The following ABCA8 variants were observed in gnomAD, a reference collection of about 807,000 sequenced individuals.
The protein encoded by ABCA8 is ATP binding cassette subfamily A member 8, also known as ABC-type organic anion transporter ABCA8.
Under a neutral mutation model 192.3 loss-of-function variants are expected in ABCA8, and 177 were observed. That is an observed-to-expected ratio of 0.92 (90% CI 0.81 to 1.04). The LOEUF (loss-of-function observed/expected upper bound fraction) is 1.04, where lower values mean the gene tolerates loss of function less well. ABCA8 is among the 50% of genes least tolerant of loss of function. ABCA8 has a pLI of 0.00. For synonymous variants in ABCA8, 642 were observed against 690.2 expected (o/e 0.93, Z 1.09); for missense variants, 1,915 against 1,904.8 (o/e 1.01, Z -0.10).
Position 68,921,429 on chromosome 17 carries a change from T to G in ABCA8, c.1565A>C (p.Lys522Thr). 1 of 1,611,658 alleles carries G rather than the reference T, an allele frequency of 6.2e-7. No homozygotes were observed. Among genetic ancestry groups the G allele is most frequent in the Non-Finnish European group, 8.5e-7 (1 of 1,178,412 alleles). Residue 522 changes from lysine (K) to threonine (T), a missense_variant, in exon 13 of 40, where the codon AAG (lysine) becomes ACG (threonine). Coordinates refer to ENST00000586539, the MANE Select transcript of ABCA8 (RefSeq NM_001288985.2). ...TAILGHSGAG[K>T]STLLNILSGL... ...ACTAAGAATGTTTAGCAGTGTTGAC[T>G]TTCCAGCTCCACTGTGACCAAGTAT...
intron 19 of ABCA8, among the ~76,000 whole-genome samples, chr17:68,905,627 C>G (rs1009559312): frequency 1.4e-4 from 22 of 151,754 alleles, no homozygotes; most frequent in Middle Eastern, 3.2e-3. Flanking sequence ...AAAAGAAAAA[C>G]CTGACACCAG....
intron 2 of ABCA8, among the ~76,000 whole-genome samples, chr17:68,946,195 G>C (rs1198032698): frequency 2.0e-5 from 3 of 151,978 alleles, no homozygotes; most frequent in Non-Finnish European, 4.4e-5. Flanking sequence ...AGTCTCCCAA[G>C]TAGCAGGGAC....
intron 21 of ABCA8, among the ~76,000 whole-genome samples, chr17:68,902,274 G>T (rs62087820): frequency 0.17 from 25,861 of 152,126 alleles, 2,505 homozygotes; most frequent in East Asian, 0.29. Context: ...ATTTGTGATT[G>T]CTGAGGAGTT....
chr17:68,884,588 T>C (rs2066415609), intron 27 of ABCA8, 192 bp from the exon 28 acceptor site: 1 of 1,284,902 alleles, frequency 7.8e-7, no homozygotes, highest in African/African-American at 1.5e-5. Context: ...TTTGAAGCAA[T>C]AGGATTTATC....
At chr17:68,944,312 A>C (rs2068318815) in intron 2 of ABCA8, among the ~76,000 whole-genome samples, 1 of 99,812 alleles carries the variant, frequency 1.0e-5, no homozygotes, top group South Asian at 3.4e-4. Flanking sequence ...CCCAGAACTT[A>C]AAGTTATATA....
At chr17:68,872,692 C>T (rs1323579718) in intron 37 of ABCA8, among the ~76,000 whole-genome samples, 1 of 152,020 alleles carries the variant, frequency 6.6e-6, no homozygotes, top group Non-Finnish European at 1.5e-5. Flanking sequence ...TCCAGTGGGA[C>T]AAGATGTGGA....
Position 68,918,071 on chromosome 17 carries a change from T to G in ABCA8, c.2023A>C (p.Met675Leu). The G allele has an allele frequency of 6.2e-7, 1 of 1,614,190 alleles. No individual in the cohort carries two copies. Among genetic ancestry groups the G allele is most frequent in the Non-Finnish European group, 8.5e-7 (1 of 1,180,026 alleles). ...DRVILFSTQF[M>L]DEADILADRK... is the part of the protein sequence containing the mutation. ...CCCGCCAGGATGTCGGCCTCATCCA[T>G]GAACTGGGTACTGAAGAGGATCACG... Residue 675 changes from methionine (M) to leucine (L), a missense_variant, in exon 16 of 40, where the codon ATG (methionine) becomes CTG (leucine). Physicochemically the swap from Met to Leu is conservative, Grantham distance 15. Coordinates refer to ENST00000586539, the MANE Select transcript of ABCA8 (RefSeq NM_001288985.2).
chr17:68,877,739 A>G (rs1267592886), intron 32 of ABCA8, 60 bp from the exon 33 acceptor site: 13 of 1,509,244 alleles, frequency 8.6e-6, no homozygotes, highest in Non-Finnish European at 1.2e-5. Context: ...GAGTATTTCC[A>G]TGACATCATT....
intron 13 of ABCA8, 150 bp downstream of exon 13, chr17:68,921,232 G>A: frequency 3.0e-6 from 1 of 329,652 alleles, no homozygotes; most frequent in East Asian, 5.0e-5. Context: ...GATAGCATTA[G>A]GAGATATATC....
chr17:68,895,133 T>G, intron 21 of ABCA8, 120 bp from the exon 22 acceptor site: 1 of 695,516 alleles, frequency 1.4e-6, no homozygotes. Flanking sequence ...CAGGATATTT[T>G]CTACATAACA....
At position 68,924,757 on chromosome 17, in the gene ABCA8, T is replaced by G; in HGVS notation, c.1386A>C (p.Ser462=). 6.2e-7 allele frequency: 1 copy of G among 1,614,132 alleles called. No individual in the cohort carries two copies. Among genetic ancestry groups the G allele is most frequent in the Middle Eastern group, 1.7e-4 (1 of 6,060 alleles). Reference sequence around the variant, plus strand: ...GCGCTTGTTCAAAAGAGTCATGAAATGAAGGATCGGCATCCATTTCATCTT... The same window carrying G: ...GCGCTTGTTCAAAAGAGTCATGAAAGGAAGGATCGGCATCCATTTCATCTT... ...ALEDEMDADP[S]FHDSFEQAPP... Residue 462 remains serine, a synonymous_variant, in exon 11 of 40, where the codon TCA becomes TCC. Coordinates refer to ENST00000586539, the MANE Select transcript of ABCA8 (RefSeq NM_001288985.2).
chr17:68,906,125 T>A lies in ABCA8; in HGVS notation c.2317A>T (p.Ile773Phe). The change falls in exon 19 of 40, where the codon ATT becomes TTT. Residue 773 changes from isoleucine to phenylalanine, a missense_variant. By Grantham distance (21) the Ile-to-Phe change is conservative (BLOSUM62 0). Coordinates refer to ENST00000586539, the MANE Select transcript of ABCA8 (RefSeq NM_001288985.2). ...GTCATGGAAACACCATAATTCTCAA[T>A]TCCTAGGTCAGGATAGCTATCAAGA... ...KDLDSYPDLG[I>F]ENYGVSMTTL... 6.2e-7 allele frequency: 1 copy of A among 1,601,276 alleles called. No individual in the cohort carries two copies.
intron 13 of ABCA8, 91 bp from the exon 14 acceptor site, chr17:68,919,567 T>G (rs2067481432): frequency 8.7e-7 from 1 of 1,147,556 alleles, no homozygotes; most frequent in South Asian, 1.6e-5. Context: ...GACTTTATCT[T>G]GACAGTTTAT....
At chr17:68,927,795 T>C in intron 10 of ABCA8, 121 bp downstream of exon 10, 1 of 764,996 alleles carries the variant, frequency 1.3e-6, no homozygotes, top group Non-Finnish European at 2.0e-6. Context: ...ACTTTGTTCC[T>C]CTCTTTGCTG....
In ABCA8 at chr17:68,933,250, T is replaced by G. The variant is rs1276318870; in HGVS notation, c.488A>C (p.Glu163Ala). Residue 163 changes from glutamate to alanine, a missense_variant, in exon 6 of 40, where the codon GAA becomes GCA. Glu to Ala is a moderately radical substitution (Grantham distance 107). Coordinates refer to ENST00000586539, the MANE Select transcript of ABCA8 (RefSeq NM_001288985.2). ...TACTGAAACTTCACAGTAAACATCT[T>G]CATTTGTTTCATAACAATGAGCTTT... The part of the protein sequence containing the change: ...DHTAHCYETN[E>A]DVYCEVSVFW... 3 of 1,611,298 alleles carry G rather than the reference T, an allele frequency of 1.9e-6. No homozygotes were observed. The highest frequency in any genetic ancestry group is 2.5e-6 in the Non-Finnish European group (3 of 1,178,138).
intron 32 of ABCA8, 55 bp downstream of exon 32, chr17:68,881,065 A>T (rs540951618): frequency 2.5e-5 from 32 of 1,270,676 alleles, no homozygotes; most frequent in Non-Finnish European, 3.5e-5. Context: ...AGGTCATCAA[A>T]TCTTATCAAT....
At chr17:68,883,203 A>T (rs1296570525) in intron 29 of ABCA8, among the ~76,000 whole-genome samples, 1 of 152,180 alleles carries the variant, frequency 6.6e-6, no homozygotes, top group East Asian at 1.9e-4. Flanking sequence ...TACTGATCTC[A>T]GAAGATTTAT....
intron 19 of ABCA8, among the ~76,000 whole-genome samples, chr17:68,905,768 T>C (rs2067049418): frequency 6.6e-6 from 1 of 152,178 alleles, no homozygotes; most frequent in South Asian, 2.1e-4. Context: ...GATCTGTGGG[T>C]TCATGTTTTA....
At chr17:68,925,257 C>T (rs1443687400) in intron 10 of ABCA8, among the ~76,000 whole-genome samples, 1 of 151,764 alleles carries the variant, frequency 6.6e-6, no homozygotes, top group Middle Eastern at 3.4e-3. Flanking sequence ...CTATTGGATA[C>T]CTTTAAAAAA....
Sources: gnomAD v4.1 joint callset for allele counts (sites outside exome capture counted in the v4.1 genomes callset) on GRCh38, gnomAD v4.1.1 for gene constraint, MANE v1.5 for transcripts, NCBI Gene and HGNC (gene_info 2026-07-23, HGNC 2026-07-21) for gene names.